TTC29: variants seen among roughly 807,000 people sequenced by gnomAD.
The protein encoded by TTC29 is tetratricopeptide repeat domain 29.
Under a neutral mutation model 58.1 loss-of-function variants are expected in TTC29, and 49 were observed. That is an observed-to-expected ratio of 0.84 (90% CI 0.67 to 1.07). The LOEUF (loss-of-function observed/expected upper bound fraction) is 1.07, where lower values mean the gene tolerates loss of function less well. Ranked by LOEUF, TTC29 falls within the 50% of genes least tolerant of loss-of-function variation. TTC29 has a pLI of 0.00. For synonymous variants in TTC29, 209 were observed against 196.8 expected (o/e 1.06, Z -0.52); for missense variants, 582 against 555.6 (o/e 1.05, Z -0.48).
chr4:146,787,172 T>C (rs1489579387), intron 11 of TTC29, among the ~76,000 whole-genome samples: 1 of 152,208 alleles, frequency 6.6e-6, no homozygotes, highest in Non-Finnish European at 1.5e-5. Flanking sequence ...CTAGTAAGGA[T>C]GAAAAATTGT....
chr4:146,730,245 T>A (rs1271677059), intron 11 of TTC29, among the ~76,000 whole-genome samples: 2 of 152,138 alleles, frequency 1.3e-5, no homozygotes, highest in East Asian at 1.9e-4. Flanking sequence ...AAGAAGGAAA[T>A]CATGTCATTT....
At chr4:146,711,585 T>A (rs1742495654) in intron 11 of TTC29, among the ~76,000 whole-genome samples, 1 of 152,210 alleles carries the variant, frequency 6.6e-6, no homozygotes. Flanking sequence ...TTATGTTTTA[T>A]GAAACTGATT....
intron 11 of TTC29, among the ~76,000 whole-genome samples, chr4:146,780,468 C>T (rs1748510080): frequency 6.6e-6 from 1 of 151,888 alleles, no homozygotes; most frequent in African/African-American, 2.4e-5. Flanking sequence ...TCTTTTGAGG[C>T]CATCAATTTC....
chr4:146,884,600 C>T (rs1008046476), intron 6 of TTC29, among the ~76,000 whole-genome samples: 4 of 151,994 alleles, frequency 2.6e-5, no homozygotes, highest in South Asian at 4.1e-4. Flanking sequence ...TTTTAAGATG[C>T]AAATTTGGAA....
chr4:146,792,494 C>T (rs1016890422), intron 11 of TTC29, among the ~76,000 whole-genome samples: 8 of 152,120 alleles, frequency 5.3e-5, no homozygotes, highest in African/African-American at 1.9e-4. Flanking sequence ...TGCATCTAGG[C>T]ACCCAAGATT....
chr4:146,894,549 AG>A (rs1732628961), intron 6 of TTC29, among the ~76,000 whole-genome samples: 1 of 105,822 alleles, frequency 9.4e-6, no homozygotes, highest in Non-Finnish European at 1.9e-5. Context: ...GGGAGGGGGG[AG>A]GGATAGCATT....
intron 11 of TTC29, among the ~76,000 whole-genome samples, chr4:146,787,384 G>A (rs570593659): frequency 3.2e-4 from 48 of 152,196 alleles, no homozygotes; most frequent in African/African-American, 1.1e-3. Flanking sequence ...CTTAAAAATT[G>A]TATGCGTGTG....
chr4:146,788,114 A>G (rs1260888454), intron 11 of TTC29, among the ~76,000 whole-genome samples: 1 of 152,210 alleles, frequency 6.6e-6, no homozygotes, highest in Admixed American at 6.5e-5. Context: ...GTCATTAGCT[A>G]GGACTGCACA....
chr4:146,737,924 T>C (rs1744844828), intron 11 of TTC29, among the ~76,000 whole-genome samples: 3 of 152,216 alleles, frequency 2.0e-5, no homozygotes, highest in African/African-American at 7.2e-5. Context: ...AGCCAGAAAC[T>C]GTCCCTATGT....
intron 11 of TTC29, among the ~76,000 whole-genome samples, chr4:146,753,408 G>C (rs973089125): frequency 6.6e-6 from 1 of 152,214 alleles, no homozygotes; most frequent in African/African-American, 2.4e-5. Flanking sequence ...AACAACAGGT[G>C]CTGGAGAAGA....
intron 6 of TTC29, among the ~76,000 whole-genome samples, chr4:146,899,713 T>C (rs917053349): frequency 1.2e-4 from 19 of 152,200 alleles, no homozygotes; most frequent in African/African-American, 4.6e-4. Context: ...GACCCTTGAC[T>C]GTAGCCATGT....
At chr4:146,935,131 G>A (rs1735681699) in intron 4 of TTC29, among the ~76,000 whole-genome samples, 1 of 152,006 alleles carries the variant, frequency 6.6e-6, no homozygotes, top group Non-Finnish European at 1.5e-5. Flanking sequence ...GTTAAGTCTT[G>A]GGAGCAGGTA....
chr4:146,898,841 T>C (rs905801272), intron 6 of TTC29, among the ~76,000 whole-genome samples: 1 of 152,188 alleles, frequency 6.6e-6, no homozygotes, highest in South Asian at 2.1e-4. Flanking sequence ...AAATATGGAC[T>C]GAAATGAAGG....
chr4:146,877,220 G>C (rs1473183571), intron 6 of TTC29, among the ~76,000 whole-genome samples: 1 of 152,092 alleles, frequency 6.6e-6, no homozygotes, highest in African/African-American at 2.4e-5. Flanking sequence ...TTATGTCTGG[G>C]AGGTAGGATT....
chr4:146,854,153 T>G (rs982098203), intron 8 of TTC29, among the ~76,000 whole-genome samples: 1 of 152,108 alleles, frequency 6.6e-6, no homozygotes, highest in African/African-American at 2.4e-5. Flanking sequence ...TTGGCTTCCT[T>G]CTTTTGCCTG....
chr4:146,822,249 A>T (rs1751898015), intron 9 of TTC29, among the ~76,000 whole-genome samples: 1 of 151,804 alleles, frequency 6.6e-6, no homozygotes, highest in Non-Finnish European at 1.5e-5. Flanking sequence ...CCCACCTTTC[A>T]ACAGGCCCTG....
At chr4:146,710,541 T>G (rs750536239) in intron 11 of TTC29, among the ~76,000 whole-genome samples, 5 of 152,138 alleles carry the variant, frequency 3.3e-5, no homozygotes, top group Non-Finnish European at 7.4e-5. Flanking sequence ...GCCACAGGAC[T>G]GTTGGCTCTT....
chr4:146,846,015 T>C (rs1312011049), intron 8 of TTC29, among the ~76,000 whole-genome samples: 1 of 152,178 alleles, frequency 6.6e-6, no homozygotes, highest in Non-Finnish European at 1.5e-5. Flanking sequence ...TGAATGACTA[T>C]TGTAGAGCCC....
chr4:146,709,043 T>A (rs1281791363), intron 11 of TTC29, among the ~76,000 whole-genome samples: 2 of 152,166 alleles, frequency 1.3e-5, no homozygotes, highest in African/African-American at 4.8e-5. Context: ...ACTATTGTGA[T>A]CTATCTACAA....
Sources: allele counts gnomAD v4.1 joint callset (sites outside exome capture counted in the v4.1 genomes callset), GRCh38; gene constraint gnomAD v4.1.1; transcripts MANE v1.5; gene names NCBI Gene and HGNC (gene_info 2026-07-23, HGNC 2026-07-21).